The following CRYGS variants were observed in gnomAD, a reference collection of about 807,000 sequenced individuals.
The protein encoded by CRYGS is gamma-crystallin S.
A neutral mutation model predicts 21.3 loss-of-function variants in CRYGS; 13 were observed. That is an observed-to-expected ratio of 0.61 (90% CI 0.40 to 0.97). The LOEUF (loss-of-function observed/expected upper bound fraction) is 0.97, where lower values mean the gene tolerates loss of function less well. Ranked by LOEUF, CRYGS falls within the 50% of genes least tolerant of loss-of-function variation. The pLI is 0.00. For missense variants in CRYGS, 205 were observed against 229.7 expected, an observed-to-expected ratio of 0.89 and a Z score of 0.69; for synonymous variants, 67 against 75.0, an observed-to-expected ratio of 0.89 and a Z score of 0.55.
intron 1 of CRYGS, among the ~76,000 whole-genome samples, chr3:186,541,936 T>C (rs180853028): frequency 5.3e-5 from 8 of 152,302 alleles, no homozygotes; most frequent in Non-Finnish European, 1.2e-4. Flanking sequence ...GAAAGTCAAA[T>C]AACTTCTCTA....
intron 2 of CRYGS, among the ~76,000 whole-genome samples, 192 bp from the exon 3 acceptor site, chr3:186,539,160 G>A (rs1437252757): frequency 6.6e-6 from 1 of 152,120 alleles, no homozygotes; most frequent in African/African-American, 2.4e-5. Context: ...CACTCAAGAG[G>A]CAGAGACAGC....
chr3:186,539,075 T>C lies in CRYGS; in HGVS notation c.265-107A>G, dbSNP rs1446766431. 5.3e-6 allele frequency: 7 copies of C among 1,325,266 alleles called. No individual in the cohort carries two copies. The East Asian group carries it at 1.5e-4, about 28-fold the overall frequency. 82.1% of individuals were successfully genotyped at this position (1,325,266 alleles called of 1,614,324 possible). A position where few individuals can be genotyped will look rare whatever the true frequency, so the allele number is the denominator to read the frequency against. The stretch of plus-strand genomic sequence containing the variant: ...AGAACTTATCACCTTGAAAGCTAGA[T>C]GATCTGAACTCCCATCTCACCATGT... On this transcript the variant is annotated intron_variant, in intron 2 of 2. Transcript: ENST00000307944.
chr3:186,539,848 T>C, intron 1 of CRYGS: 1 of 458,090 alleles, frequency 2.2e-6, no homozygotes, highest in Non-Finnish European at 4.0e-6. Flanking sequence ...GTGAGCAGTC[T>C]CAGACTCAAG....
rs563445384 is a variant in CRYGS, at chr3:186,544,366, T to G, written c.-40A>C. The G allele has an allele frequency of 6.2e-6, 9 of 1,461,408 alleles. No homozygotes were observed. The South Asian group carries it at 9.1e-5, about 15-fold the overall frequency. 90.5% of individuals were successfully genotyped at this position (1,461,408 alleles called of 1,614,324 possible). A position where few individuals can be genotyped will look rare whatever the true frequency, so the allele number is the denominator to read the frequency against. On this transcript the variant is annotated 5_prime_UTR_variant, in exon 1 of 3. Transcript: ENST00000307944. The stretch of plus-strand genomic sequence containing the variant: ...CTGGTTTTCCCAGTGCTGAAAGAAA[T>G]TCAGGAATGGCTACAGAGAGTTAGA...
intron 1 of CRYGS, among the ~76,000 whole-genome samples, chr3:186,542,657 A>G (rs1211723082): frequency 6.6e-6 from 1 of 152,234 alleles, no homozygotes; most frequent in Non-Finnish European, 1.5e-5. Flanking sequence ...GCAATGAGAA[A>G]AAGTAAGAAA....
intron 1 of CRYGS, among the ~76,000 whole-genome samples, chr3:186,542,178 T>C (rs1714085914): frequency 1.3e-5 from 2 of 152,250 alleles, no homozygotes; most frequent in African/African-American, 2.4e-5. Context: ...TACGGTCACC[T>C]GATGTCCACC....
rs1413658698 is a variant in CRYGS at position 186,539,058 on chromosome 3, T to C, written c.265-90A>G. 39 of 1,458,720 alleles carry C rather than the reference T, an allele frequency of 2.7e-5. No individual in the cohort carries two copies. The South Asian group carries it at 3.8e-4, about 14-fold the overall frequency. 90.4% of individuals were successfully genotyped at this position (1,458,720 alleles called of 1,614,324 possible). A position where few individuals can be genotyped will look rare whatever the true frequency, so the allele number is the denominator to read the frequency against. On this transcript the variant is annotated intron_variant, in intron 2 of 2. Coordinates refer to ENST00000307944, the MANE Select transcript of CRYGS (RefSeq NM_017541.4). ...AGAGAACAGTATTGCTCAGAACTTA[T>C]CACCTTGAAAGCTAGATGATCTGAA...
Position 186,538,803 on chromosome 3 carries a change from T to C in CRYGS, c.430A>G (p.Asn144Asp), listed in dbSNP as rs1162443216. Residue 144 changes from asparagine to aspartate, a missense_variant, in exon 3 of 3, where the codon AAC becomes GAC. By Grantham distance (23) the Asn-to-Asp change is conservative. Transcript: ENST00000307944. Reference sequence around the variant, plus strand: ...AGGAGGTACTGCCTGCCACGGTAGTTGGGTAGCTCATAGAAAATCCAGACA... The same window carrying C: ...AGGAGGTACTGCCTGCCACGGTAGTCGGGTAGCTCATAGAAAATCCAGACA... ...EGVWIFYELP[N>D]YRGRQYLLDK... 2.2e-5 allele frequency: 35 copies of C among 1,613,972 alleles called. No homozygotes were observed. The highest frequency in any genetic ancestry group is 2.9e-5 in the Non-Finnish European group (34 of 1,180,020).
At chr3:186,541,729 T>C (rs1489596464) in intron 1 of CRYGS, among the ~76,000 whole-genome samples, 1 of 152,232 alleles carries the variant, frequency 6.6e-6, no homozygotes, top group Non-Finnish European at 1.5e-5. Context: ...AGTTACAAGT[T>C]AGTTGCAGAC....
At position 186,539,519 on chromosome 3, in the gene CRYGS, GGTAT is replaced by G; in HGVS notation, c.96_99del (p.Tyr33Ter). The G allele has an allele frequency of 6.2e-7, 1 of 1,614,022 alleles. No homozygotes were observed. Among genetic ancestry groups the G allele is most frequent in the Non-Finnish European group, 8.5e-7 (1 of 1,180,018 alleles). ...ACTTTAATGGAGTTGCAGCGACTTA[GGTAT>G]GTGTGGAAATCTGCACAGTCGCAAT... On this transcript the variant is annotated frameshift_variant, in exon 2 of 3. Coordinates refer to ENST00000307944, the MANE Select transcript of CRYGS (RefSeq NM_017541.4). LOFTEE classifies it high-confidence loss of function.
At chr3:186,544,266 G>A (rs1714137057) in intron 1 of CRYGS, 40 bp downstream of exon 1, 1 of 1,491,974 alleles carries the variant, frequency 6.7e-7, no homozygotes, top group Non-Finnish European at 9.4e-7. Flanking sequence ...GCATCATTAG[G>A]TGAAAAGCGG....
chr3:186,543,502 T>C (rs1186293666), intron 1 of CRYGS, among the ~76,000 whole-genome samples: 3 of 152,126 alleles, frequency 2.0e-5, no homozygotes, highest in Non-Finnish European at 4.4e-5. Flanking sequence ...TTTCAAATGG[T>C]TTAATAAAGA....
At chr3:186,542,600 A>G (rs1714094998) in intron 1 of CRYGS, among the ~76,000 whole-genome samples, 2 of 152,230 alleles carry the variant, frequency 1.3e-5, no homozygotes, top group Non-Finnish European at 2.9e-5. Flanking sequence ...TGCCAAGCCC[A>G]TAACTCCTCT....
At chr3:186,540,589 C>CTT (rs199798383) in intron 1 of CRYGS, 3 of 152,136 alleles carry the variant, frequency 2.0e-5, no homozygotes, top group Admixed American at 6.8e-5. Flanking sequence ...ATCTTTTCAT[C>CTT]TTTTTTTTTT....
chr3:186,542,485 G>C (rs1714091649), intron 1 of CRYGS, among the ~76,000 whole-genome samples: 1 of 152,084 alleles, frequency 6.6e-6, no homozygotes, highest in Admixed American at 6.6e-5. Context: ...ATCATTATCA[G>C]GTTTATTTTT....
At chr3:186,539,015 C>G (rs768062290) in intron 2 of CRYGS, 47 bp from the exon 3 acceptor site, 2 of 1,604,146 alleles carry the variant, frequency 1.2e-6, no homozygotes, top group Non-Finnish European at 1.7e-6. Context: ...ATGGAAATCA[C>G]CAGCAGGTCA....
At position 186,538,959 on chromosome 3, in the gene CRYGS, C is replaced by T. The variant is rs757136877; in HGVS notation, c.274G>A (p.Gly92Ser). 5.0e-6 allele frequency: 8 copies of T among 1,614,032 alleles called. No individual in the cohort carries two copies. The highest frequency in any genetic ancestry group is 6.8e-6 in the Non-Finnish European group (8 of 1,179,990). ...TCAAAGATCTGAATCTTATACTGGC[C>T]TCCACTAGGCTGAAAAGACACAGGA... ...SCRAVHLPSG[G>S]QYKIQIFEKG... Residue 92 changes from glycine to serine, a missense_variant, in exon 3 of 3, where the codon GGC becomes AGC. Gly to Ser is a moderately conservative substitution (Grantham distance 56). Coordinates refer to ENST00000307944, the MANE Select transcript of CRYGS (RefSeq NM_017541.4).
chr3:186,544,275 G>T (rs771176383), intron 1 of CRYGS, 31 bp downstream of exon 1: 2 of 1,543,680 alleles, frequency 1.3e-6, no homozygotes, highest in Non-Finnish European at 1.8e-6. Context: ...GGTGAAAAGC[G>T]GGTAGGCTAA....
At chr3:186,543,806 G>C (rs1236753289) in intron 1 of CRYGS, among the ~76,000 whole-genome samples, 1 of 152,176 alleles carries the variant, frequency 6.6e-6, no homozygotes, top group Non-Finnish European at 1.5e-5. Flanking sequence ...CTGACTGTAA[G>C]GGAGCACTTT....
Sources: allele counts gnomAD v4.1 joint callset (sites outside exome capture counted in the v4.1 genomes callset), GRCh38; gene constraint gnomAD v4.1.1; transcripts MANE v1.5; gene names NCBI Gene and HGNC (gene_info 2026-07-23, HGNC 2026-07-21).